The following PCSK6 variants were observed in gnomAD, a reference collection of about 807,000 sequenced individuals.
The protein encoded by PCSK6 is paired basic amino acid cleaving enzyme 4.
In PCSK6, 85 loss-of-function variants were observed where a neutral mutation model predicts 123.3. The ratio of observed to expected loss-of-function variants is 0.69; its 90% CI spans 0.58 to 0.83. The LOEUF (loss-of-function observed/expected upper bound fraction) is 0.83. Among genes scored for constraint, PCSK6 ranks in the 40% least tolerant of loss-of-function variants. The pLI, the probability that PCSK6 is intolerant of heterozygous loss-of-function variation, is 0.00. For synonymous variants in PCSK6, 508 were observed against 516.0 expected (o/e 0.98, Z 0.21); for missense variants, 1,191 against 1,282.3 (o/e 0.93, Z 1.09).
intron 15 of PCSK6, among the ~76,000 whole-genome samples, chr15:101,327,754 G>A (rs1038153216): frequency 2.6e-5 from 4 of 152,192 alleles, no homozygotes; most frequent in Admixed American, 2.0e-4. Flanking sequence ...GACCTTGCCA[G>A]TGTTAGACCC....
intron 13 of PCSK6, chr15:101,365,927 C>T (rs2041373461): frequency 3.7e-6 from 1 of 266,966 alleles, no homozygotes; most frequent in Non-Finnish European, 7.0e-6. Context: ...TGGGGAGTGG[C>T]TGCTTCATGG....
At chr15:101,319,788 G>A (rs2040074472) in intron 18 of PCSK6, among the ~76,000 whole-genome samples, 1 of 152,332 alleles carries the variant, frequency 6.6e-6, no homozygotes, top group Admixed American at 6.5e-5. Flanking sequence ...AGGGATGGAA[G>A]GTCCAGCGCT....
intron 1 of PCSK6, among the ~76,000 whole-genome samples, chr15:101,473,978 C>T (rs1251979723): frequency 6.6e-6 from 1 of 152,154 alleles, no homozygotes; most frequent in African/African-American, 2.4e-5. Flanking sequence ...GTTGTCTAAG[C>T]CTCTGAAACA....
intron 13 of PCSK6, among the ~76,000 whole-genome samples, chr15:101,363,454 C>T (rs1039197889): frequency 5.9e-5 from 9 of 152,280 alleles, no homozygotes; most frequent in South Asian, 4.1e-4. Context: ...CTTGTGCCCA[C>T]GAAGCAGTGA....
intron 13 of PCSK6, among the ~76,000 whole-genome samples, chr15:101,336,564 ATAAT>A (rs1343256398): frequency 6.6e-6 from 1 of 152,242 alleles, no homozygotes; most frequent in African/African-American, 2.4e-5. Flanking sequence ...TCCTTTTCAT[ATAAT>A]TAAGAGCAAG....
intron 12 of PCSK6, among the ~76,000 whole-genome samples, 179 bp downstream of exon 12, chr15:101,370,155 GT>G (rs2041532618): frequency 6.6e-6 from 1 of 152,164 alleles, no homozygotes; most frequent in East Asian, 1.9e-4. Context: ...AACTTTTAAG[GT>G]TTTTGGGGCC....
At chr15:101,365,240 C>T (rs1260712689) in intron 13 of PCSK6, among the ~76,000 whole-genome samples, 1 of 152,158 alleles carries the variant, frequency 6.6e-6, no homozygotes, top group Non-Finnish European at 1.5e-5. Context: ...GCAATGGTTT[C>T]TCAGGTATGA....
intron 7 of PCSK6, among the ~76,000 whole-genome samples, chr15:101,396,006 C>T (rs903562): frequency 0.55 from 83,650 of 151,946 alleles, 23,786 homozygotes; most frequent in East Asian, 0.89. Flanking sequence ...AGACTGTAGG[C>T]GACAAATAGG....
chr15:101,426,454 A>G (rs1383790818), intron 6 of PCSK6, among the ~76,000 whole-genome samples: 3 of 152,202 alleles, frequency 2.0e-5, no homozygotes, highest in African/African-American at 7.2e-5. Flanking sequence ...GGCTCCAGGG[A>G]GAACTTATAT....
In PCSK6 at chr15:101,412,691, TTATATATA is replaced by T. The variant is rs149902723; in HGVS notation, c.824-14123_824-14116del. ...ACAGAAGAAAGAGTGAACTGGAAAA[TTATATATA>T]TATATATATATATAAAATTACCCAA... On this transcript the variant is annotated intron_variant, in intron 6 of 21. Transcript: ENST00000611716. Among the ~76,000 whole-genome samples, 2 of 124,744 alleles carry T rather than the reference TTATATATA, an allele frequency of 1.6e-5. 1 individual carries two copies. The highest frequency in any genetic ancestry group is 6.9e-5 in the African/African-American group (2 of 28,914). 81.8% of individuals were successfully genotyped at this position (124,744 alleles called of 152,430 possible).
At chr15:101,432,984 T>C (rs2141123269) in intron 2 of PCSK6, among the ~76,000 whole-genome samples, 1 of 152,362 alleles carries the variant, frequency 6.6e-6, no homozygotes, top group African/African-American at 2.4e-5. Flanking sequence ...TTATTGCTAA[T>C]TTAAAATTTT....
chr15:101,346,651 C>T (rs1216870686), intron 13 of PCSK6: 4 of 711,352 alleles, frequency 5.6e-6, no homozygotes, highest in Admixed American at 4.4e-5. Flanking sequence ...AATGCCCAAG[C>T]GTACCTCATT....
chr15:101,429,929 A>G (rs369742884), intron 5 of PCSK6, 58 bp downstream of exon 5: 25 of 1,409,380 alleles, frequency 1.8e-5, no homozygotes, highest in South Asian at 1.2e-4. Flanking sequence ...ACACACATTC[A>G]ATAGTGACGC....
rs767567637 is a variant in PCSK6 at position 101,324,904 on chromosome 15, G to C, written c.2323C>G (p.Gln775Glu). 2 of 1,613,622 alleles carry C rather than the reference G, an allele frequency of 1.2e-6. No individual in the cohort carries two copies. The highest frequency in any genetic ancestry group is 2.2e-5 in the South Asian group (2 of 91,078). Reference sequence around the variant, plus strand: ...AGGGTCACACAGGTGTTCATCTCCTGGTGGTGATAGAACCCGCGGCGGCAA... The same window carrying C: ...AGGGTCACACAGGTGTTCATCTCCTCGTGGTGATAGAACCCGCGGCGGCAA... ...LSCRRGFYHH[Q>E]EMNTCVTLCP... The change falls in exon 17 of 22, where the codon CAG becomes GAG. Residue 775 changes from glutamine (Q) to glutamate (E), a missense_variant. Gln to Glu is a conservative substitution (Grantham distance 29). Around this residue, in one of 3 missense-constraint regions of PCSK6, gnomAD observed 630 missense variants for 631.4 expected, o/e 1.00. Transcript: ENST00000611716.
intron 13 of PCSK6, among the ~76,000 whole-genome samples, chr15:101,352,340 G>A (rs2040914784): frequency 6.6e-6 from 1 of 151,718 alleles, no homozygotes. Flanking sequence ...GTAGAGACGG[G>A]GTTTCACCGT....
intron 18 of PCSK6, among the ~76,000 whole-genome samples, chr15:101,320,906 C>T (rs1003492448): frequency 2.0e-5 from 3 of 152,166 alleles, no homozygotes; most frequent in Non-Finnish European, 4.4e-5. Flanking sequence ...CTCTATGTGG[C>T]GGGGCTACCG....
At chr15:101,402,000 C>T (rs535277058) in intron 6 of PCSK6, among the ~76,000 whole-genome samples, 13 of 151,890 alleles carry the variant, frequency 8.6e-5, no homozygotes, top group South Asian at 2.1e-4. Flanking sequence ...GGAGGCATCA[C>T]GCTACCTGAC....
At chr15:101,457,015 T>C in intron 1 of PCSK6, among the ~76,000 whole-genome samples, 1 of 151,870 alleles carries the variant, frequency 6.6e-6, no homozygotes. Flanking sequence ...CTACCAAAAA[T>C]ATAAAAAATT....
At position 101,311,183 on chromosome 15, in the gene PCSK6, T is replaced by G. The variant is rs200310095; in HGVS notation, c.2699+2193A>C. ...CTGGAGTGCATGGTGCGATCATAGC[T>G]CACTGCAACCTCCGCCTCCTTGGTT... On this transcript the variant is annotated intron_variant, in intron 20 of 21. Coordinates refer to ENST00000611716, the MANE Select transcript of PCSK6 (RefSeq NM_002570.5). Among the ~76,000 whole-genome samples the G allele has an allele frequency of 5.9e-5, 9 of 152,120 alleles. No individual in the cohort carries two copies. In the East Asian group the frequency reaches 1.7e-3, roughly 29 times the overall value.
Sources: allele counts gnomAD v4.1 joint callset (sites outside exome capture counted in the v4.1 genomes callset), GRCh38; gene constraint gnomAD v4.1.1; regional missense constraint gnomAD v4.1.1; transcripts MANE v1.5; gene names NCBI Gene and HGNC (gene_info 2026-07-23, HGNC 2026-07-21).